Variants in ABCC4 observed in about 807,000 individuals in gnomAD.
ABCC4 encodes ATP-binding cassette sub-family C member 4.
ABCC4 carries 102 observed loss-of-function variants against 168.5 expected under a neutral mutation model. That is an observed-to-expected ratio of 0.61 (90% CI 0.52 to 0.71). The LOEUF (loss-of-function observed/expected upper bound fraction) is 0.71, where lower values mean the gene tolerates loss of function less well. ABCC4 is among the 30% of genes least tolerant of loss of function. The pLI, the probability that ABCC4 is intolerant of heterozygous loss-of-function variation, is 0.00. For synonymous variants in ABCC4, 617 were observed against 590.7 expected, an observed-to-expected ratio of 1.04 and a Z score of -0.65; for missense variants, 1,402 against 1,605.8, an observed-to-expected ratio of 0.87 and a Z score of 2.17.
intron 25 of ABCC4, among the ~76,000 whole-genome samples, chr13:95,068,273 T>G (rs932816980): frequency 6.6e-6 from 1 of 152,182 alleles, no homozygotes; most frequent in Non-Finnish European, 1.5e-5. Flanking sequence ...ACCACGATGT[T>G]GCCTGAATAC....
At chr13:95,277,187 T>G (rs953587979) in intron 1 of ABCC4, among the ~76,000 whole-genome samples, 1 of 152,072 alleles carries the variant, frequency 6.6e-6, no homozygotes, top group Non-Finnish European at 1.5e-5. Flanking sequence ...TCTTATAGGT[T>G]CTAGACCTAG....
chr13:95,048,141 T>C (rs1462353895), intron 27 of ABCC4, among the ~76,000 whole-genome samples: 1 of 152,230 alleles, frequency 6.6e-6, no homozygotes, highest in Non-Finnish European at 1.5e-5. Context: ...AAACAGTCCT[T>C]ATAAAATTAA....
chr13:95,124,221 T>G (rs2035672781), intron 19 of ABCC4, among the ~76,000 whole-genome samples: 1 of 152,082 alleles, frequency 6.6e-6, no homozygotes, highest in African/African-American at 2.4e-5. Context: ...ACATTTGACT[T>G]TGGCTGGAGA....
intron 27 of ABCC4, among the ~76,000 whole-genome samples, chr13:95,052,229 C>T (rs1412362834): frequency 2.0e-5 from 3 of 152,180 alleles, no homozygotes; most frequent in African/African-American, 4.8e-5. Context: ...GATTCACCCA[C>T]CTCAGACTTC....
chr13:95,035,823 A>G (rs1249460715), intron 29 of ABCC4, among the ~76,000 whole-genome samples: 3 of 152,206 alleles, frequency 2.0e-5, no homozygotes, highest in Non-Finnish European at 4.4e-5. Flanking sequence ...GGCCATATTT[A>G]GAGTAAATTT....
chr13:95,164,441 G>A lies in ABCC4; in HGVS notation c.2112C>T (p.Tyr704=), dbSNP rs766856292. Residue 704 remains tyrosine, a synonymous_variant, in exon 16 of 31, where the codon TAC becomes TAT. Coordinates refer to ENST00000645237, the MANE Select transcript of ABCC4 (RefSeq NM_005845.5). The stretch of plus-strand genomic sequence containing the variant: ...CAATCCAGTGAGCACCAGCTCTGAA[G>A]TAATTCTTATAGGCCTGAAAACCAA... ...GKVGFQAYKN[Y]FRAGAHWIVF... is the part of the protein sequence containing the mutation. 6.2e-7 allele frequency: 1 copy of A among 1,614,070 alleles called. No homozygotes were observed. The highest frequency in any genetic ancestry group is 1.3e-5 in the African/African-American group (1 of 74,934).
chr13:95,025,271 CCCCACA>C (rs2031411313), intron 30 of ABCC4, among the ~76,000 whole-genome samples: 1 of 65,712 alleles, frequency 1.5e-5, no homozygotes, highest in African/African-American at 7.6e-5. Context: ...ACCCCCACAC[CCCCACA>C]CACACCCCCA....
At chr13:95,235,620 C>A (rs935448368) in intron 3 of ABCC4, among the ~76,000 whole-genome samples, 2 of 152,148 alleles carry the variant, frequency 1.3e-5, no homozygotes, top group Non-Finnish European at 2.9e-5. Context: ...TGGCACAAAC[C>A]CAGATCAGAA....
chr13:95,137,609 C>T (rs549748152), intron 19 of ABCC4, among the ~76,000 whole-genome samples: 16 of 152,204 alleles, frequency 1.1e-4, no homozygotes, highest in African/African-American at 3.9e-4. Flanking sequence ...GAGGCACCTG[C>T]GGGTCAAATG....
chr13:95,076,853 A>G (rs1050417074), intron 21 of ABCC4, among the ~76,000 whole-genome samples: 4 of 152,050 alleles, frequency 2.6e-5, no homozygotes, highest in African/African-American at 7.2e-5. Flanking sequence ...TTGAATTCCA[A>G]GGCTCAAGGG....
chr13:95,131,644 A>G (rs929258665), intron 19 of ABCC4, among the ~76,000 whole-genome samples: 2 of 152,098 alleles, frequency 1.3e-5, no homozygotes, highest in African/African-American at 4.8e-5. Context: ...AAGAAGAGAA[A>G]AGAAAAAGAG....
At chr13:95,054,023 T>TC (rs2032958741) in intron 26 of ABCC4, 1 of 11,694 alleles carries the variant, frequency 8.6e-5, no homozygotes, top group African/African-American at 2.5e-4. Flanking sequence ...GGGACATCCT[T>TC]TTTTTTTTTT....
At chr13:95,159,825 C>G (rs2037030190) in intron 19 of ABCC4, among the ~76,000 whole-genome samples, 2 of 152,140 alleles carry the variant, frequency 1.3e-5, no homozygotes, top group East Asian at 3.8e-4. Flanking sequence ...CTTTCCAGAA[C>G]AGTCTTCTTT....
intron 19 of ABCC4, among the ~76,000 whole-genome samples, chr13:95,153,949 C>T (rs1289730049): frequency 1.3e-5 from 2 of 152,100 alleles, no homozygotes; most frequent in Non-Finnish European, 2.9e-5. Context: ...CGTATCACCC[C>T]TGATAAGAGT....
intron 20 of ABCC4, among the ~76,000 whole-genome samples, chr13:95,096,547 T>C (rs2034604370): frequency 6.6e-6 from 1 of 152,124 alleles, no homozygotes; most frequent in Admixed American, 6.5e-5. Flanking sequence ...GAGGAAATTG[T>C]TTTAAAAAGC....
intron 21 of ABCC4, among the ~76,000 whole-genome samples, chr13:95,077,527 T>G (rs2033946559): frequency 6.6e-6 from 1 of 151,878 alleles, no homozygotes; most frequent in South Asian, 2.1e-4. Flanking sequence ...TTGTAGACAC[T>G]GGGTTTCGTC....
At chr13:95,093,770 G>A (rs1331688976) in intron 20 of ABCC4, among the ~76,000 whole-genome samples, 3 of 151,194 alleles carry the variant, frequency 2.0e-5, no homozygotes, top group African/African-American at 4.8e-5. Flanking sequence ...ACCTTGGAAA[G>A]CCTAAAGACT....
chr13:95,240,258 C>T (rs988714278), intron 3 of ABCC4, among the ~76,000 whole-genome samples: 5 of 152,200 alleles, frequency 3.3e-5, no homozygotes, highest in African/African-American at 7.2e-5. Context: ...AAAGTACACA[C>T]GCGGCTGGGC....
At chr13:95,074,165 G>A (rs1211319691) in intron 23 of ABCC4, 49 bp downstream of exon 23, 4 of 1,399,504 alleles carry the variant, frequency 2.9e-6, no homozygotes, top group East Asian at 2.3e-5. Context: ...TGTAAACACA[G>A]CTATAAATTG....
Sources: gnomAD v4.1 joint callset for allele counts (sites outside exome capture counted in the v4.1 genomes callset) on GRCh38, gnomAD v4.1.1 for gene constraint, MANE v1.5 for transcripts, NCBI Gene and HGNC (gene_info 2026-07-23, HGNC 2026-07-21) for gene names.